The following NR3C2 variants were observed in gnomAD, a reference collection of about 807,000 sequenced individuals.
NR3C2 encodes the protein nuclear receptor subfamily 3 group C member 2.
A neutral mutation model predicts 86.4 loss-of-function variants in NR3C2; 15 were observed. The observed-to-expected ratio is 0.17, with a 90% CI of 0.12 to 0.27. The LOEUF (loss-of-function observed/expected upper bound fraction) is 0.27, where lower values mean the gene tolerates loss of function less well. NR3C2 is among the 10% of genes least tolerant of loss of function. The pLI is 1.00. For missense variants in NR3C2, 960 were observed against 1,195.6 expected (o/e 0.80, Z 2.91); for synonymous variants, 458 against 450.5 (o/e 1.02, Z -0.21).
chr4:148,221,093 T>C (rs934168673), intron 3 of NR3C2, among the ~76,000 whole-genome samples: 6 of 152,250 alleles, frequency 3.9e-5, no homozygotes, highest in Non-Finnish European at 8.8e-5. Flanking sequence ...ACTCTGTACA[T>C]TATATGGGGC....
At chr4:148,125,109 G>C (rs1732682733) in intron 6 of NR3C2, among the ~76,000 whole-genome samples, 1 of 152,148 alleles carries the variant, frequency 6.6e-6, no homozygotes, top group Non-Finnish European at 1.5e-5. Flanking sequence ...CTTGTGGATG[G>C]GACACTACAG....
At chr4:148,418,023 A>T (rs72658648) in intron 2 of NR3C2, among the ~76,000 whole-genome samples, 181 of 152,294 alleles carry the variant, frequency 1.2e-3, no homozygotes, top group African/African-American at 4.2e-3. Context: ...TTTGAGTTGT[A>T]TGCCAAGTAA....
In NR3C2 at chr4:148,135,798, T is replaced by C. The variant is rs1380520476; in HGVS notation, c.2511-15510A>G. ...ACGGCCGGGCGCGGTGGCTCACGCC[T>C]GTAATCCCAGCACTTTGGGAGGCCG... is the stretch of plus-strand genomic sequence containing the variant. On this transcript the variant is annotated intron_variant, in intron 6 of 8. Transcript: ENST00000358102. Among the ~76,000 whole-genome samples the C allele has an allele frequency of 2.0e-5, 3 of 151,910 alleles. No homozygotes were observed. In the East Asian group the frequency reaches 5.8e-4, roughly 29 times the overall value.
intron 1 of NR3C2, among the ~76,000 whole-genome samples, chr4:148,439,573 C>T (rs1750234269): frequency 6.6e-6 from 1 of 151,958 alleles, no homozygotes; most frequent in Non-Finnish European, 1.5e-5. Flanking sequence ...CTGAAGGGGA[C>T]CCCCACCCAG....
At chr4:148,433,762 T>TG (rs937551809) in intron 2 of NR3C2, among the ~76,000 whole-genome samples, 1 of 152,056 alleles carries the variant, frequency 6.6e-6, no homozygotes, top group African/African-American at 2.4e-5. Flanking sequence ...TCACAACACA[T>TG]GAAAAAAGTC....
At chr4:148,365,394 A>G (rs1164998446) in intron 2 of NR3C2, among the ~76,000 whole-genome samples, 1 of 152,166 alleles carries the variant, frequency 6.6e-6, no homozygotes, top group Non-Finnish European at 1.5e-5. Flanking sequence ...CTCAACCTGT[A>G]CTGGTAAAAC....
At chr4:148,403,859 A>G (rs1453842833) in intron 2 of NR3C2, among the ~76,000 whole-genome samples, 1 of 152,032 alleles carries the variant, frequency 6.6e-6, no homozygotes, top group African/African-American at 2.4e-5. Flanking sequence ...CCATTTATGT[A>G]CTTTCTATTT....
At chr4:148,379,941 T>A (rs998124115) in intron 2 of NR3C2, among the ~76,000 whole-genome samples, 3 of 152,162 alleles carry the variant, frequency 2.0e-5, no homozygotes, top group Admixed American at 6.5e-5. Flanking sequence ...TATTAAAAAG[T>A]TCATAAAAAT....
chr4:148,419,706 T>C (rs144899125), intron 2 of NR3C2, among the ~76,000 whole-genome samples: 4 of 152,342 alleles, frequency 2.6e-5, no homozygotes, highest in East Asian at 3.9e-4. Flanking sequence ...TTAATTTTTC[T>C]CATTATTAAA....
intron 2 of NR3C2, among the ~76,000 whole-genome samples, chr4:148,282,693 C>T (rs1444382974): frequency 2.0e-5 from 3 of 151,714 alleles, no homozygotes; most frequent in Non-Finnish European, 4.4e-5. Context: ...TCCCAGGGGA[C>T]AAAAATATCC....
intron 2 of NR3C2, among the ~76,000 whole-genome samples, chr4:148,339,927 A>G (rs1427826054): frequency 6.6e-6 from 1 of 152,196 alleles, no homozygotes; most frequent in Non-Finnish European, 1.5e-5. Context: ...TAAAAAAGAA[A>G]TTAAGAAAGC....
intron 2 of NR3C2, among the ~76,000 whole-genome samples, chr4:148,353,790 T>G (rs1214095918): frequency 6.6e-6 from 1 of 152,172 alleles, no homozygotes; most frequent in Non-Finnish European, 1.5e-5. Context: ...TTCTTCTTAC[T>G]GACTTACATG....
chr4:148,261,989 T>G (rs1295730097), intron 2 of NR3C2, among the ~76,000 whole-genome samples: 1 of 152,224 alleles, frequency 6.6e-6, no homozygotes, highest in Non-Finnish European at 1.5e-5. Flanking sequence ...AAGTGCTCTT[T>G]ATTATTTTTA....
chr4:148,308,346 T>C (rs985770772), intron 2 of NR3C2, among the ~76,000 whole-genome samples: 8 of 152,114 alleles, frequency 5.3e-5, no homozygotes, highest in Admixed American at 5.2e-4. Flanking sequence ...ATTCTAGCAA[T>C]ATGGTAGGAA....
chr4:148,435,217 A>G lies in NR3C2; in HGVS notation c.1644T>C (p.Ser548=). The G allele has an allele frequency of 6.2e-7, 1 of 1,614,184 alleles. No individual in the cohort carries two copies. Among genetic ancestry groups the G allele is most frequent in the Non-Finnish European group, 8.5e-7 (1 of 1,180,026 alleles). Residue 548 remains serine, a synonymous_variant, in exon 2 of 9, where the codon AGT becomes AGC. Coordinates refer to ENST00000358102, the MANE Select transcript of NR3C2 (RefSeq NM_000901.5). ...CTAAAGTATTGACAGGAGGAAAGGA[A>G]CTCAGGTGTTGGAAAGATTGGTCTC... The part of the protein sequence containing the change: ...SARDQSFQHL[S]SFPPVNTLVE...
chr4:148,149,144 T>C (rs1733996835), intron 6 of NR3C2, among the ~76,000 whole-genome samples: 1 of 152,174 alleles, frequency 6.6e-6, no homozygotes, highest in Non-Finnish European at 1.5e-5. Context: ...TTCTTTCTAG[T>C]TGAGAGAAAG....
chr4:148,100,764 A>G (rs973405098), intron 8 of NR3C2, among the ~76,000 whole-genome samples: 1 of 152,260 alleles, frequency 6.6e-6, no homozygotes, highest in Non-Finnish European at 1.5e-5. Flanking sequence ...ATATTTATAC[A>G]TCCATGTTCA....
chr4:148,120,607 A>C (rs1399647987), intron 6 of NR3C2, among the ~76,000 whole-genome samples: 2 of 152,210 alleles, frequency 1.3e-5, no homozygotes, highest in African/African-American at 4.8e-5. Flanking sequence ...AGTGTGTTAC[A>C]GTGAGACCAT....
chr4:148,429,792 T>C (rs1476026713), intron 2 of NR3C2, among the ~76,000 whole-genome samples: 1 of 152,230 alleles, frequency 6.6e-6, no homozygotes, highest in Non-Finnish European at 1.5e-5. Flanking sequence ...TCATCAAAGA[T>C]ATCCAAGTTA....
Sources: allele counts gnomAD v4.1 joint callset (sites outside exome capture counted in the v4.1 genomes callset), GRCh38; gene constraint gnomAD v4.1.1; transcripts MANE v1.5; gene names NCBI Gene and HGNC (gene_info 2026-07-23, HGNC 2026-07-21).